Variants in PARD3B observed in about 807,000 individuals in gnomAD.
PARD3B encodes partitioning defective 3 homolog B.
PARD3B carries 103 observed loss-of-function variants against 130.2 expected under a neutral mutation model. The ratio of observed to expected loss-of-function variants is 0.79; its 90% CI spans 0.67 to 0.93. PARD3B has a LOEUF of 0.93. PARD3B is among the 40% of genes least tolerant of loss of function. The pLI, the probability that PARD3B is intolerant of heterozygous loss-of-function variation, is 0.00. For missense variants in PARD3B, 1,609 were observed against 1,499.2 expected (o/e 1.07, Z -1.21); for synonymous variants, 583 against 553.2 (o/e 1.05, Z -0.76).
intron 3 of PARD3B, among the ~76,000 whole-genome samples, chr2:204,998,115 A>C (rs879908818): frequency 4.7e-5 from 7 of 149,252 alleles, no homozygotes; most frequent in African/African-American, 1.7e-4. Flanking sequence ...AGAAAGACAA[A>C]TATAAGAATT....
chr2:204,894,380 T>C (rs1034330500), intron 2 of PARD3B, among the ~76,000 whole-genome samples: 1 of 152,002 alleles, frequency 6.6e-6, no homozygotes, highest in African/African-American at 2.4e-5. Flanking sequence ...TGGAATATGT[T>C]AAATCTCATT....
intron 1 of PARD3B, among the ~76,000 whole-genome samples, chr2:204,595,667 A>G (rs1226136239): frequency 6.6e-6 from 1 of 152,254 alleles, no homozygotes; most frequent in Admixed American, 6.5e-5. Context: ...AGGTCTTTTT[A>G]TCACTTTGGA....
intron 15 of PARD3B, among the ~76,000 whole-genome samples, chr2:205,236,431 T>G (rs1482365748): frequency 6.6e-6 from 1 of 151,750 alleles, no homozygotes; most frequent in Non-Finnish European, 1.5e-5. Flanking sequence ...ATGTAAAAAT[T>G]TGGCACACAC....
chr2:205,153,958 C>T (rs572858479), intron 10 of PARD3B, among the ~76,000 whole-genome samples: 33 of 152,014 alleles, frequency 2.2e-4, no homozygotes, highest in Non-Finnish European at 4.0e-4. Flanking sequence ...AGAAAACCTA[C>T]GCAATATCAT....
In PARD3B at chr2:205,231,329, A is replaced by ATTT. The variant is rs770873231; in HGVS notation, c.2141-14436_2141-14434dup. ...GTTTCATATGTTAAGTAGATTAACTATTTTTTTTTTTTTTTGAGACAAGGT... is the reference window on the plus strand; with the variant it reads ...GTTTCATATGTTAAGTAGATTAACTATTTTTTTTTTTTTTTTTTGAGACAAGGT... On this transcript the variant is annotated intron_variant, in intron 15 of 22. Coordinates refer to ENST00000406610, the MANE Select transcript of PARD3B (RefSeq NM_001302769.2). 2.0e-4 allele frequency among the ~76,000 whole-genome samples: 29 copies of ATTT among 141,670 alleles called. No homozygotes were observed. The South Asian group carries it at 3.2e-3, about 16-fold the overall frequency. The allele number at this position is 141,670 out of a possible 152,430, so 92.9% of individuals were successfully genotyped here.
At chr2:204,816,213 G>A (rs757108903) in intron 2 of PARD3B, among the ~76,000 whole-genome samples, 21 of 151,836 alleles carry the variant, frequency 1.4e-4, no homozygotes, top group Non-Finnish European at 3.1e-4. Flanking sequence ...TATTGTTGTC[G>A]TACGTATTAC....
At position 204,573,609 on chromosome 2, in the gene PARD3B, C is replaced by G. The variant is rs149553017; in HGVS notation, c.120+27490C>G. Reference sequence around the variant, plus strand: ...GTTTTTGTTTGTGGTAAGTAATAAGCGACAGATTCTGCTCTGTAGGGTGAG... The same window carrying G: ...GTTTTTGTTTGTGGTAAGTAATAAGGGACAGATTCTGCTCTGTAGGGTGAG... On this transcript the variant is annotated intron_variant, in intron 1 of 22. Coordinates refer to ENST00000406610, the MANE Select transcript of PARD3B (RefSeq NM_001302769.2). Among the ~76,000 whole-genome samples, 178 of 152,278 alleles carry G rather than the reference C, an allele frequency of 1.2e-3. 1 individual carries two copies. The highest frequency in any genetic ancestry group is 8.1e-3 in the Admixed American group (124 of 15,298).
chr2:205,031,908 T>C (rs1046668614), intron 3 of PARD3B, among the ~76,000 whole-genome samples: 1 of 152,308 alleles, frequency 6.6e-6, no homozygotes, highest in African/African-American at 2.4e-5. Flanking sequence ...TTTGATTTAT[T>C]TTTAATTGAT....
At chr2:204,942,139 T>C (rs1442344031) in intron 2 of PARD3B, among the ~76,000 whole-genome samples, 1 of 152,184 alleles carries the variant, frequency 6.6e-6, no homozygotes, top group Non-Finnish European at 1.5e-5. Context: ...TTCTTTAGGA[T>C]ATAGTAATCA....
rs146601736 is a variant in PARD3B, at chr2:205,060,718, A to G, written c.504+13028A>G. On this transcript the variant is annotated intron_variant, in intron 4 of 22. Transcript: ENST00000406610. Reference sequence around the variant, plus strand: ...TAATTAAAGGTCTTTTATAATTACTAAATTTTCTATGTGTGTTAAATATAA... The same window carrying G: ...TAATTAAAGGTCTTTTATAATTACTGAATTTTCTATGTGTGTTAAATATAA... Among the ~76,000 whole-genome samples, 970 of 152,290 alleles carry G rather than the reference A, an allele frequency of 6.4e-3. 14 individuals are homozygous for G. The highest frequency in any genetic ancestry group is 0.022 in the African/African-American group (932 of 41,570).
At chr2:204,599,366 A>G (rs1440319208) in intron 1 of PARD3B, among the ~76,000 whole-genome samples, 3 of 151,826 alleles carry the variant, frequency 2.0e-5, no homozygotes, top group South Asian at 2.1e-4. Flanking sequence ...TGCTTCTAGT[A>G]TCCTCTGTTT....
At chr2:205,026,827 G>A (rs934427800) in intron 3 of PARD3B, among the ~76,000 whole-genome samples, 3 of 152,102 alleles carry the variant, frequency 2.0e-5, no homozygotes, top group African/African-American at 4.8e-5. Context: ...TGTCCTCCAA[G>A]TTTATCCATG....
Position 205,619,984 on chromosome 2 carries a change from C to G in PARD3B, c.*4171C>G, listed in dbSNP as rs1203906095. The G allele has an allele frequency of 6.6e-6, 1 of 152,084 alleles. No homozygotes were observed. The highest frequency in any genetic ancestry group is 1.5e-5 in the Non-Finnish European group (1 of 68,020). 9.4% of individuals were successfully genotyped at this position (152,084 alleles called of 1,614,324 possible). A position where few individuals can be genotyped will look rare whatever the true frequency, so the allele number is the denominator to read the frequency against. On this transcript the variant is annotated 3_prime_UTR_variant, in exon 23 of 23. Coordinates refer to ENST00000406610, the MANE Select transcript of PARD3B (RefSeq NM_001302769.2). ...GTGATTCCAAGTCTGTTCATAAGTT[C>G]TGAAGATAAATTATGTGAAATCATA... is the stretch of plus-strand genomic sequence containing the variant.
rs559367868 is a variant in PARD3B at position 204,960,393 on chromosome 2, G to T, written c.223-4759G>T. 3.3e-5 allele frequency among the ~76,000 whole-genome samples: 5 copies of T among 152,218 alleles called. No homozygotes were observed. In the South Asian group the frequency reaches 1.0e-3, roughly 32 times the overall value. On this transcript the variant is annotated intron_variant, in intron 2 of 22. Transcript: ENST00000406610. ...GGAAAGAGAAGATAGATAATCTCCAGTTTTGGAGTATGATGTGGCAGAAGC... is the reference window on the plus strand; with the variant it reads ...GGAAAGAGAAGATAGATAATCTCCATTTTTGGAGTATGATGTGGCAGAAGC...
intron 20 of PARD3B, among the ~76,000 whole-genome samples, chr2:205,478,383 T>G (rs563595408): frequency 1.3e-5 from 2 of 152,334 alleles, no homozygotes; most frequent in South Asian, 4.1e-4. Flanking sequence ...TTGTTGAATT[T>G]TAAATTAACC....
At position 204,760,921 on chromosome 2, in the gene PARD3B, C is replaced by A. The variant is rs946704339; in HGVS notation, c.222+74639C>A. Among the ~76,000 whole-genome samples the A allele has an allele frequency of 1.7e-4, 26 of 152,076 alleles. 1 individual carries two copies. Among genetic ancestry groups the A allele is most frequent in the Admixed American group, 1.7e-3 (26 of 15,258 alleles). On this transcript the variant is annotated intron_variant, in intron 2 of 22. Coordinates refer to ENST00000406610, the MANE Select transcript of PARD3B (RefSeq NM_001302769.2). Reference sequence around the variant, plus strand: ...TTCTGTTCAAGGATATTTCTTTTTACCTGTTGCAGAAGAGCATCTTAATAG... The same window carrying A: ...TTCTGTTCAAGGATATTTCTTTTTAACTGTTGCAGAAGAGCATCTTAATAG...
intron 15 of PARD3B, among the ~76,000 whole-genome samples, chr2:205,198,393 A>G (rs1383203355): frequency 6.6e-6 from 1 of 152,230 alleles, no homozygotes; most frequent in Non-Finnish European, 1.5e-5. Context: ...ATAGTCTTTT[A>G]AGAAAGAGCA....
intron 12 of PARD3B, among the ~76,000 whole-genome samples, chr2:205,174,702 A>G (rs2035366369): frequency 6.6e-6 from 1 of 152,228 alleles, no homozygotes; most frequent in Non-Finnish European, 1.5e-5. Flanking sequence ...AGGAATACCA[A>G]AATGGTTGCT....
chr2:204,558,082 T>C (rs1254496004), intron 1 of PARD3B: 1 of 152,196 alleles, frequency 6.6e-6, no homozygotes, highest in Non-Finnish European at 1.5e-5. Context: ...TGCTGAACTC[T>C]CGTTTTTTGG....
Sources: allele counts gnomAD v4.1 joint callset (sites outside exome capture counted in the v4.1 genomes callset), GRCh38; gene constraint gnomAD v4.1.1; transcripts MANE v1.5; gene names NCBI Gene and HGNC (gene_info 2026-07-23, HGNC 2026-07-21).